The following JAM3 variants were observed in gnomAD, a reference collection of about 807,000 sequenced individuals.
The protein encoded by JAM3 is junctional adhesion molecule 3, also known as junctional adhesion molecule C.
Under a neutral mutation model 39.4 loss-of-function variants are expected in JAM3, and 31 were observed. The observed-to-expected ratio is 0.79, with a 90% CI of 0.59 to 1.06. JAM3 has a LOEUF of 1.06. Ranked by LOEUF, JAM3 falls within the 50% of genes least tolerant of loss-of-function variation. The pLI is 0.00. For synonymous variants in JAM3, 182 were observed against 148.7 expected (o/e 1.22, Z -1.63); for missense variants, 455 against 391.4 (o/e 1.16, Z -1.37).
At chr11:134,147,231 A>G (rs1943090078) in intron 6 of JAM3, among the ~76,000 whole-genome samples, 1 of 151,912 alleles carries the variant, frequency 6.6e-6, no homozygotes, top group South Asian at 2.1e-4. Flanking sequence ...AGGCGGGTGG[A>G]TCACCTGAGG....
chr11:134,148,848 G>C (rs1429335270), intron 8 of JAM3, 30 bp downstream of exon 8: 2 of 1,609,998 alleles, frequency 1.2e-6, no homozygotes, highest in Non-Finnish European at 1.7e-6. Flanking sequence ...GGAAACCTAG[G>C]TGTACCCAGC....
At chr11:134,136,885 G>A (rs866720626) in intron 1 of JAM3, among the ~76,000 whole-genome samples, 13 of 152,096 alleles carry the variant, frequency 8.5e-5, no homozygotes, top group African/African-American at 2.4e-4. Flanking sequence ...AGGCCGAGGC[G>A]GACGGATCAC....
rs113389782 is a variant in JAM3 at position 134,149,993 on chromosome 11, T to C, written c.*812T>C. 0.027 allele frequency: 4,444 copies of C among 165,970 alleles called. 227 individuals carry two copies. Among genetic ancestry groups the C allele is most frequent in the African/African-American group, 0.1 (4,171 of 41,698 alleles). The allele number at this position is 165,970 out of a possible 1,614,324, so 10.3% of individuals were successfully genotyped here. On this transcript the variant is annotated 3_prime_UTR_variant, in exon 9 of 9. Transcript: ENST00000299106. Reference sequence around the variant, plus strand: ...AAAATTTCTATTTAAACTGTAAATATATTGTCATACAATGTTAAATAACCT... The same window carrying C: ...AAAATTTCTATTTAAACTGTAAATACATTGTCATACAATGTTAAATAACCT...
At chr11:134,126,652 T>G (rs1447842530) in intron 1 of JAM3, among the ~76,000 whole-genome samples, 1 of 152,186 alleles carries the variant, frequency 6.6e-6, no homozygotes, top group African/African-American at 2.4e-5. Context: ...GACTGTGAGT[T>G]GGAGATGATT....
chr11:134,148,498 A>G (rs967500313), intron 6 of JAM3, 49 bp from the exon 7 acceptor site: 8 of 1,613,622 alleles, frequency 5.0e-6, no homozygotes, highest in African/African-American at 1.3e-5. Flanking sequence ...GCCTTTTTAA[A>G]TAACAGATAG....
intron 1 of JAM3, among the ~76,000 whole-genome samples, chr11:134,081,505 T>TCA (rs1941665176): frequency 1.3e-5 from 2 of 152,182 alleles, no homozygotes; most frequent in South Asian, 4.2e-4. Context: ...GGCCATGGCT[T>TCA]CAGAGGGTGC....
chr11:134,124,211 C>T (rs1468844819), intron 1 of JAM3: 4 of 1,402,060 alleles, frequency 2.9e-6, no homozygotes, highest in African/African-American at 2.8e-5. Context: ...CCAAAGTCAT[C>T]ACTCCATACT....
chr11:134,149,579 C>T lies in JAM3; in HGVS notation c.*398C>T, dbSNP rs897353710. 2.5e-5 allele frequency: 12 copies of T among 473,532 alleles called. No individual in the cohort carries two copies. Among genetic ancestry groups the T allele is most frequent in the Admixed American group, 9.3e-5 (4 of 42,974 alleles). The allele number at this position is 473,532 out of a possible 1,614,324, so 29.3% of individuals were successfully genotyped here. On this transcript the variant is annotated 3_prime_UTR_variant, in exon 9 of 9. Transcript: ENST00000299106. Reference sequence around the variant, plus strand: ...GCCACGACAGCACCATGTGAGATGGCGAGGTGGCTGGACAGCACCAGCAGC... The same window carrying T: ...GCCACGACAGCACCATGTGAGATGGTGAGGTGGCTGGACAGCACCAGCAGC...
intron 1 of JAM3, among the ~76,000 whole-genome samples, chr11:134,100,493 C>A (rs962392970): frequency 5.9e-5 from 9 of 152,160 alleles, no homozygotes; most frequent in African/African-American, 2.2e-4. Flanking sequence ...ATTAGACTCT[C>A]CTTCTCTTTA....
intron 1 of JAM3, among the ~76,000 whole-genome samples, chr11:134,111,566 G>A (rs1464528764): frequency 2.6e-5 from 4 of 152,140 alleles, no homozygotes; most frequent in Non-Finnish European, 5.9e-5. Context: ...GTTAGGGAAG[G>A]ATCATTGCAT....
intron 1 of JAM3, among the ~76,000 whole-genome samples, chr11:134,074,153 AG>A (rs1408555623): frequency 1.3e-5 from 2 of 152,234 alleles, no homozygotes; most frequent in African/African-American, 4.8e-5. Context: ...ATCTATGCTT[AG>A]GGGAAAAAAC....
At position 134,147,201 on chromosome 11, in the gene JAM3, C is replaced by T. The variant is rs546122964; in HGVS notation, c.712+1156C>T. 5.3e-5 allele frequency among the ~76,000 whole-genome samples: 8 copies of T among 152,100 alleles called. No individual in the cohort carries two copies. In the South Asian group the frequency reaches 1.7e-3, roughly 32 times the overall value. ...CAGGCGTGGTGGCTCACACTATAAT[C>T]CTAGCACTCTGGGAGGCTGAGGCGG... On this transcript the variant is annotated intron_variant, in intron 6 of 8. Transcript: ENST00000299106.
intron 1 of JAM3, among the ~76,000 whole-genome samples, chr11:134,096,454 C>T (rs1459902491): frequency 6.6e-6 from 1 of 152,130 alleles, no homozygotes; most frequent in African/African-American, 2.4e-5. Flanking sequence ...CTTGTATGTT[C>T]TTTCTTTCAC....
At chr11:134,102,566 G>T (rs565577269) in intron 1 of JAM3, among the ~76,000 whole-genome samples, 1 of 152,136 alleles carries the variant, frequency 6.6e-6, no homozygotes, top group Admixed American at 6.5e-5. Flanking sequence ...AGACTTCTCC[G>T]AGCTAAAGGA....
chr11:134,136,149 T>A (rs1316656854), intron 1 of JAM3, among the ~76,000 whole-genome samples: 1 of 137,744 alleles, frequency 7.3e-6, no homozygotes, highest in Non-Finnish European at 1.6e-5. Flanking sequence ...AAATAGGAAA[T>A]TGAATAGGAA....
At chr11:134,091,177 CAGTG>C (rs770496113) in intron 1 of JAM3, among the ~76,000 whole-genome samples, 72 of 152,164 alleles carry the variant, frequency 4.7e-4, no homozygotes, top group Middle Eastern at 3.4e-3. Flanking sequence ...CTGGGCAACA[CAGTG>C]AGACCCCCAT....
At chr11:134,096,738 A>T (rs1375429689) in intron 1 of JAM3, among the ~76,000 whole-genome samples, 1 of 152,056 alleles carries the variant, frequency 6.6e-6, no homozygotes, top group Non-Finnish European at 1.5e-5. Context: ...TCTTTGTTGT[A>T]TTGGGGTGTG....
chr11:134,077,747 A>C (rs925308913), intron 1 of JAM3, among the ~76,000 whole-genome samples: 24 of 149,092 alleles, frequency 1.6e-4, no homozygotes, highest in African/African-American at 5.7e-4. Flanking sequence ...TGCAACCTCA[A>C]GTGATTCTCC....
intron 1 of JAM3, among the ~76,000 whole-genome samples, chr11:134,136,036 C>T (rs575920950): frequency 1.3e-5 from 2 of 152,176 alleles, no homozygotes; most frequent in African/African-American, 4.8e-5. Flanking sequence ...CACCATTGCA[C>T]TCCAGCCTGG....
Sources: gnomAD v4.1 joint callset for allele counts (sites outside exome capture counted in the v4.1 genomes callset) on GRCh38, gnomAD v4.1.1 for gene constraint, MANE v1.5 for transcripts, NCBI Gene and HGNC (gene_info 2026-07-23, HGNC 2026-07-21) for gene names.